The following SCFD1 variants were observed in gnomAD, a reference collection of about 807,000 sequenced individuals.
SCFD1 encodes the protein sec1 family domain-containing protein 1.
A neutral mutation model predicts 103.2 loss-of-function variants in SCFD1; 37 were observed. That is an observed-to-expected ratio of 0.36 (90% CI 0.28 to 0.47). The LOEUF (loss-of-function observed/expected upper bound fraction) is 0.47. Ranked by LOEUF, SCFD1 falls within the 20% of genes least tolerant of loss-of-function variation. SCFD1 has a pLI of 1.00. For synonymous variants in SCFD1, 264 were observed against 245.0 expected (o/e 1.08, Z -0.73); for missense variants, 639 against 761.2 (o/e 0.84, Z 1.89).
chr14:30,720,066 G>A (rs1892550222), intron 21 of SCFD1, among the ~76,000 whole-genome samples: 1 of 152,016 alleles, frequency 6.6e-6, no homozygotes, highest in South Asian at 2.1e-4. Context: ...CTTATGTTTG[G>A]GATCTTCAGA....
At position 30,722,678 on chromosome 14, in the gene SCFD1, A is replaced by G. The variant is rs1594765523; in HGVS notation, c.1836+119A>G. 5 of 505,374 alleles carry G rather than the reference A, an allele frequency of 9.9e-6. No individual in the cohort carries two copies. In the East Asian group the frequency reaches 1.6e-4, roughly 16 times the overall value. The allele number at this position is 505,374 out of a possible 1,614,324, so 31.3% of individuals were successfully genotyped here. ...TTCTTTTCTAAAAGGTAGTTTTAAA[A>G]TCATGCATATATGATTTTTAAATGT... On this transcript the variant is annotated intron_variant, in intron 23 of 24. Coordinates refer to ENST00000458591, the MANE Select transcript of SCFD1 (RefSeq NM_016106.4).
intron 17 of SCFD1, among the ~76,000 whole-genome samples, chr14:30,703,983 G>A (rs1308801610): frequency 8.3e-6 from 1 of 120,222 alleles, no homozygotes; most frequent in Non-Finnish European, 1.7e-5. Flanking sequence ...ATATCTTGGG[G>A]ATGGGACCCA....
At chr14:30,623,626 A>G (rs140098590) in intron 1 of SCFD1, among the ~76,000 whole-genome samples, 5 of 152,322 alleles carry the variant, frequency 3.3e-5, no homozygotes, top group African/African-American at 1.2e-4. Flanking sequence ...CGTGTCAGTA[A>G]AACTGTACCA....
intron 10 of SCFD1, among the ~76,000 whole-genome samples, chr14:30,654,890 ACT>A (rs1044573751): frequency 6.6e-6 from 1 of 152,142 alleles, no homozygotes; most frequent in Non-Finnish European, 1.5e-5. Flanking sequence ...AATCAAAGGG[ACT>A]CTTAAATTAA....
At chr14:30,663,279 T>G (rs1457035174) in intron 10 of SCFD1, among the ~76,000 whole-genome samples, 2 of 152,208 alleles carry the variant, frequency 1.3e-5, no homozygotes, top group African/African-American at 4.8e-5. Context: ...ACCATGGAAA[T>G]AGTACTTCAC....
intron 1 of SCFD1, among the ~76,000 whole-genome samples, chr14:30,627,505 G>C (rs2138982716): frequency 6.6e-6 from 1 of 152,244 alleles, no homozygotes; most frequent in Admixed American, 6.5e-5. Flanking sequence ...CCAGCACTTT[G>C]GGAGGCCAAG....
At chr14:30,730,014 T>G (rs562951216) in intron 23 of SCFD1, among the ~76,000 whole-genome samples, 1 of 152,290 alleles carries the variant, frequency 6.6e-6, no homozygotes, top group South Asian at 2.1e-4. Context: ...CCCGCTTCCC[T>G]TACCCCACTA....
In SCFD1 at chr14:30,647,360, A is replaced by AT. The variant is rs567763899; in HGVS notation, c.614-2158dup. Among the ~76,000 whole-genome samples, 47 of 149,404 alleles carry AT rather than the reference A, an allele frequency of 3.1e-4. 1 individual carries two copies. The highest frequency in any genetic ancestry group is 3.4e-3 in the Middle Eastern group (1 of 292). ...ATTGTATGGCTCCCTCCTTTCAGGG[A>AT]TTTTTTTTTTCCCTTAATTTCCAGC... On this transcript the variant is annotated intron_variant, in intron 7 of 24. Coordinates refer to ENST00000458591, the MANE Select transcript of SCFD1 (RefSeq NM_016106.4).
chr14:30,692,615 A>G (rs2139303902), intron 14 of SCFD1, among the ~76,000 whole-genome samples: 1 of 152,348 alleles, frequency 6.6e-6, no homozygotes. Context: ...CAAACACAGT[A>G]TTTAATGACA....
chr14:30,626,134 G>A (rs909882419), intron 1 of SCFD1, among the ~76,000 whole-genome samples: 1 of 151,574 alleles, frequency 6.6e-6, no homozygotes, highest in Non-Finnish European at 1.5e-5. Context: ...AGTTTTAAGT[G>A]TTAAACTGTT....
chr14:30,640,147 G>A (rs1885124533), intron 6 of SCFD1, among the ~76,000 whole-genome samples: 1 of 152,148 alleles, frequency 6.6e-6, no homozygotes, highest in Admixed American at 6.5e-5. Flanking sequence ...TGGCAAGTAA[G>A]ACAATATTTT....
chr14:30,653,614 T>G, intron 10 of SCFD1, 26 bp downstream of exon 10: 1 of 1,417,614 alleles, frequency 7.1e-7, no homozygotes, highest in Non-Finnish European at 9.9e-7. Flanking sequence ...CAGCACTTAT[T>G]ACTGAAATAT....
intron 21 of SCFD1, 32 bp downstream of exon 21, chr14:30,719,409 A>AT (rs771342119): frequency 5.8e-6 from 9 of 1,543,412 alleles, no homozygotes; most frequent in Non-Finnish European, 7.1e-6. Context: ...TAACTTGTGG[A>AT]TTTTTTCCCC....
At chr14:30,728,995 C>T (rs1039835272) in intron 23 of SCFD1, among the ~76,000 whole-genome samples, 26 of 152,116 alleles carry the variant, frequency 1.7e-4, no homozygotes, top group African/African-American at 5.8e-4. Context: ...CAGGTGCACA[C>T]CACCATCATC....
At chr14:30,635,627 G>A (rs1884644022) in intron 4 of SCFD1, among the ~76,000 whole-genome samples, 1 of 152,032 alleles carries the variant, frequency 6.6e-6, no homozygotes. Flanking sequence ...TCCATTGTAT[G>A]GATGTACGAA....
chr14:30,664,090 C>CCAG (rs1190654549), intron 10 of SCFD1, among the ~76,000 whole-genome samples: 1 of 152,096 alleles, frequency 6.6e-6, no homozygotes, highest in Admixed American at 6.5e-5. Context: ...GATCCCTGAC[C>CCAG]CCTGTGTAGG....
At chr14:30,634,346 A>G (rs1314759890) in intron 4 of SCFD1, among the ~76,000 whole-genome samples, 2 of 152,164 alleles carry the variant, frequency 1.3e-5, no homozygotes, top group Non-Finnish European at 2.9e-5. Flanking sequence ...TCATTACAGA[A>G]TATATTTTCT....
At chr14:30,651,435 G>A (rs1015471062) in intron 9 of SCFD1, among the ~76,000 whole-genome samples, 1 of 151,980 alleles carries the variant, frequency 6.6e-6, no homozygotes, top group African/African-American at 2.4e-5. Flanking sequence ...CTAACACTGT[G>A]TTTCAATTGT....
At chr14:30,733,676 G>A (rs905831581) in intron 23 of SCFD1, among the ~76,000 whole-genome samples, 4 of 152,282 alleles carry the variant, frequency 2.6e-5, no homozygotes, top group African/African-American at 9.6e-5. Context: ...GGGCAACCTT[G>A]GGCTGGCTTG....
Sources: gnomAD v4.1 joint callset for allele counts (sites outside exome capture counted in the v4.1 genomes callset) on GRCh38, gnomAD v4.1.1 for gene constraint, MANE v1.5 for transcripts, NCBI Gene and HGNC (gene_info 2026-07-23, HGNC 2026-07-21) for gene names.